ERC1: variants seen among roughly 807,000 people sequenced by gnomAD.
ERC1 encodes the protein ELKS/RAB6-interacting/CAST family member 1.
In ERC1, 56 loss-of-function variants were observed where a neutral mutation model predicts 132.0. The ratio of observed to expected loss-of-function variants is 0.42; its 90% CI spans 0.34 to 0.53. The LOEUF is 0.53. Ranked by LOEUF, ERC1 falls within the 20% of genes least tolerant of loss-of-function variation. ERC1 has a pLI of 0.03. For synonymous variants in ERC1, 478 were observed against 476.1 expected (o/e 1.00, Z -0.05); for missense variants, 1,202 against 1,349.9 (o/e 0.89, Z 1.72).
At position 1,007,540 on chromosome 12, in the gene ERC1, C is replaced by CTCTCTGTGTGTGTGTGTG. The variant is rs1555194875; in HGVS notation, c.-157+16219_-157+16220insCTCTGTGTGTGTGTGTGT. ...ATTCTCTCTCTCTCTCTCTCTCTCT[C>CTCTCTGTGTGTGTGTGTG]TGTGTGTGTGTGTGTGTGTGTGTGT... On this transcript the variant is annotated intron_variant, in intron 1 of 18. Transcript: ENST00000360905. Among the ~76,000 whole-genome samples, 512 of 122,764 alleles carry CTCTCTGTGTGTGTGTGTG rather than the reference C, an allele frequency of 4.2e-3. 9 individuals carry two copies. Among genetic ancestry groups the CTCTCTGTGTGTGTGTGTG allele is most frequent in the African/African-American group, 0.018 (473 of 26,496 alleles). 80.5% of individuals were successfully genotyped at this position (122,764 alleles called of 152,430 possible). A position where few individuals can be genotyped will look rare whatever the true frequency, so the allele number is the denominator to read the frequency against.
intron 2 of ERC1, among the ~76,000 whole-genome samples, chr12:1,067,621 A>G (rs1221092706): frequency 6.6e-6 from 1 of 152,150 alleles, no homozygotes; most frequent in Admixed American, 6.5e-5. Flanking sequence ...GTAGGAAGGG[A>G]GCCCTGGATA....
At chr12:1,138,103 T>C (rs1312100845) in intron 7 of ERC1, among the ~76,000 whole-genome samples, 1 of 114,638 alleles carries the variant, frequency 8.7e-6, no homozygotes, top group Admixed American at 1.0e-4. Flanking sequence ...ATCCATATTA[T>C]AATATAATTA....
chr12:1,473,078 T>G (rs949946436), intron 18 of ERC1, among the ~76,000 whole-genome samples: 6 of 152,168 alleles, frequency 3.9e-5, no homozygotes, highest in Admixed American at 3.3e-4. Flanking sequence ...CAGGCTGGAG[T>G]GCAGTGGTGC....
intron 13 of ERC1, among the ~76,000 whole-genome samples, chr12:1,251,203 A>G (rs369728180): frequency 7.5e-4 from 114 of 152,250 alleles, no homozygotes; most frequent in African/African-American, 2.5e-3. Context: ...AGCCTTTTAT[A>G]AACATTAAGA....
chr12:1,076,356 CTTGTA>C (rs1941332432), intron 2 of ERC1, among the ~76,000 whole-genome samples: 2 of 148,644 alleles, frequency 1.3e-5, no homozygotes, highest in South Asian at 4.3e-4. Context: ...TTAAGAATTA[CTTGTA>C]TTGGTTGGTG....
Position 1,103,249 on chromosome 12 carries a change from C to T in ERC1, c.1087-1501C>T, listed in dbSNP as rs1021474621. Among the ~76,000 whole-genome samples the T allele has an allele frequency of 2.4e-4, 36 of 152,302 alleles. 1 individual carries two copies. Among genetic ancestry groups the T allele is most frequent in the Admixed American group, 1.9e-3 (29 of 15,298 alleles). ...AAAGGGCTTAAGGATCAGGAGCATG[C>T]TTAGCATATTTGAGGAGCAGCAAGG... On this transcript the variant is annotated intron_variant, in intron 3 of 18. Coordinates refer to ENST00000360905, the MANE Select transcript of ERC1 (RefSeq NM_178040.4).
chr12:1,274,612 C>A (rs532562595), intron 14 of ERC1, among the ~76,000 whole-genome samples: 2 of 152,040 alleles, frequency 1.3e-5, no homozygotes, highest in Non-Finnish European at 2.9e-5. Context: ...TCTGCTTCAG[C>A]CTCCCAGGTA....
At chr12:1,359,830 C>CT (rs1362063550) in intron 15 of ERC1, among the ~76,000 whole-genome samples, 2 of 152,148 alleles carry the variant, frequency 1.3e-5, no homozygotes, top group African/African-American at 4.8e-5. Flanking sequence ...GACTATTGGT[C>CT]TGTATATATT....
intron 6 of ERC1, among the ~76,000 whole-genome samples, chr12:1,114,316 C>A (rs887935854): frequency 1.3e-5 from 2 of 152,138 alleles, no homozygotes; most frequent in African/African-American, 4.8e-5. Context: ...CCACTGCACC[C>A]GGCCTAAACC....
At chr12:1,381,832 G>A (rs79950001) in intron 16 of ERC1, among the ~76,000 whole-genome samples, 3,204 of 152,114 alleles carry the variant, frequency 0.021, 97 homozygotes, top group African/African-American at 0.072. Flanking sequence ...TTTCCTTATC[G>A]TTAGCAAAGC....
intron 18 of ERC1, among the ~76,000 whole-genome samples, chr12:1,466,818 A>AATGAAATCAGGT (rs2093752546): frequency 1.3e-5 from 2 of 152,212 alleles, no homozygotes; most frequent in African/African-American, 4.8e-5. Context: ...GTGCTTGTTT[A>AATGAAATCAGGT]GCGACTGAAT....
chr12:1,356,997 T>G (rs1485072331), intron 15 of ERC1, among the ~76,000 whole-genome samples: 1 of 152,190 alleles, frequency 6.6e-6, no homozygotes, highest in Admixed American at 6.5e-5. Context: ...ACCTCCAAGA[T>G]CTCAGTAGCC....
At chr12:1,196,955 CACACACATATAT>C (rs1175780645) in intron 12 of ERC1, among the ~76,000 whole-genome samples, 51 of 27,906 alleles carry the variant, frequency 1.8e-3, no homozygotes, top group African/African-American at 6.8e-3. Context: ...CACACACACA[CACACACATATAT>C]ATATATATAT....
intron 14 of ERC1, among the ~76,000 whole-genome samples, chr12:1,269,716 CT>C (rs989842896): frequency 2.6e-4 from 39 of 152,174 alleles, no homozygotes; most frequent in African/African-American, 9.4e-4. Flanking sequence ...TGCATGAACA[CT>C]TTCCCAAAAG....
intron 15 of ERC1, among the ~76,000 whole-genome samples, chr12:1,340,875 C>T (rs866863455): frequency 6.6e-6 from 1 of 152,012 alleles, no homozygotes; most frequent in East Asian, 1.9e-4. Context: ...GCTGAGATTA[C>T]AGGCATGAGC....
At chr12:1,007,565 TG>T (rs2154136535) in intron 1 of ERC1, among the ~76,000 whole-genome samples, 1 of 126,508 alleles carries the variant, frequency 7.9e-6, no homozygotes, top group Admixed American at 8.6e-5. Context: ...TGTGTGTGTG[TG>T]TGTACACACT....
At chr12:1,148,811 A>G (rs559780034) in intron 8 of ERC1, among the ~76,000 whole-genome samples, 1 of 152,280 alleles carries the variant, frequency 6.6e-6, no homozygotes, top group South Asian at 2.1e-4. Context: ...CATGTTGGTC[A>G]GGCTGGTCTC....
At chr12:1,242,588 T>C (rs79139127) in intron 13 of ERC1, among the ~76,000 whole-genome samples, 3,534 of 152,288 alleles carry the variant, frequency 0.023, 59 homozygotes, top group East Asian at 0.076. Flanking sequence ...TTTCTTCTTA[T>C]GAAAACGGAG....
intron 7 of ERC1, among the ~76,000 whole-genome samples, chr12:1,131,621 C>T (rs573680856): frequency 1.6e-3 from 112 of 71,992 alleles, no homozygotes; most frequent in African/African-American, 4.1e-3. Flanking sequence ...ACCACCACAC[C>T]CAGCTAATTT....
Sources: gnomAD v4.1 joint callset for allele counts (sites outside exome capture counted in the v4.1 genomes callset) on GRCh38, gnomAD v4.1.1 for gene constraint, MANE v1.5 for transcripts, NCBI Gene and HGNC (gene_info 2026-07-23, HGNC 2026-07-21) for gene names.